The following LRRC7 variants were observed in gnomAD, a reference collection of about 807,000 sequenced individuals.
The protein encoded by LRRC7 is leucine-rich repeat-containing protein 7.
In LRRC7, 23 loss-of-function variants were observed where a neutral mutation model predicts 175.7. The observed-to-expected ratio is 0.13, with a 90% CI of 0.09 to 0.19. The LOEUF (loss-of-function observed/expected upper bound fraction) is 0.19. Ranked by LOEUF, LRRC7 falls within the 10% of genes least tolerant of loss-of-function variation. The pLI is 1.00. For synonymous variants in LRRC7, 685 were observed against 680.9 expected (o/e 1.01, Z -0.09); for missense variants, 1,354 against 1,904.7 (o/e 0.71, Z 5.38).
chr1:69,852,091 G>T (rs559885457), intron 7 of LRRC7, among the ~76,000 whole-genome samples: 21 of 151,740 alleles, frequency 1.4e-4, no homozygotes, highest in Non-Finnish European at 2.8e-4. Flanking sequence ...TCTCTACAAA[G>T]TGTCTCATGA....
intron 7 of LRRC7, among the ~76,000 whole-genome samples, chr1:69,905,949 C>T (rs1315959015): frequency 2.6e-5 from 4 of 152,174 alleles, no homozygotes; most frequent in Non-Finnish European, 5.9e-5. Flanking sequence ...TGATCACCAT[C>T]CTAACTGGTG....
At chr1:70,096,410 C>T (rs1404899830) in intron 25 of LRRC7, among the ~76,000 whole-genome samples, 2 of 152,126 alleles carry the variant, frequency 1.3e-5, no homozygotes, top group African/African-American at 2.4e-5. Flanking sequence ...ATAAACCCAT[C>T]GCCATGCACA....
chr1:70,018,477 A>C (rs1657153653), intron 14 of LRRC7, among the ~76,000 whole-genome samples: 1 of 152,092 alleles, frequency 6.6e-6, no homozygotes, highest in Non-Finnish European at 1.5e-5. Flanking sequence ...GACATTGCCC[A>C]GTTGAATAGG....
At chr1:69,764,766 TAGATAGATAGATAGAC>T (rs1271430771) in intron 3 of LRRC7, among the ~76,000 whole-genome samples, 23 of 150,722 alleles carry the variant, frequency 1.5e-4, no homozygotes, top group South Asian at 2.1e-4. Context: ...GATAGATAGA[TAGATAGATAGATAGAC>T]AGACAGACAG....
intron 14 of LRRC7, among the ~76,000 whole-genome samples, chr1:70,017,764 G>GTAATTC (rs1450072597): frequency 6.6e-6 from 1 of 152,012 alleles, no homozygotes; most frequent in Non-Finnish European, 1.5e-5. Context: ...TCAAAAATTA[G>GTAATTC]TAATTCAAAT....
chr1:70,118,916 C>T (rs1666036996), intron 26 of LRRC7, among the ~76,000 whole-genome samples: 1 of 151,978 alleles, frequency 6.6e-6, no homozygotes. Flanking sequence ...GGGCTCTCTT[C>T]CTTTTGAAGA....
intron 24 of LRRC7, among the ~76,000 whole-genome samples, chr1:70,086,558 T>C (rs987274107): frequency 1.3e-4 from 19 of 151,882 alleles, no homozygotes; most frequent in Non-Finnish European, 2.4e-4. Flanking sequence ...ATGGGAGAAT[T>C]ACTTGAGCCC....
At chr1:69,939,441 G>T (rs1481305803) in intron 8 of LRRC7, among the ~76,000 whole-genome samples, 1 of 151,992 alleles carries the variant, frequency 6.6e-6, no homozygotes, top group Non-Finnish European at 1.5e-5. Flanking sequence ...CTGAGGAAGT[G>T]CAAAGAGAAG....
chr1:69,857,380 A>C (rs1391789094), intron 7 of LRRC7, among the ~76,000 whole-genome samples: 1 of 152,226 alleles, frequency 6.6e-6, no homozygotes, highest in Non-Finnish European at 1.5e-5. Context: ...GTCTCAGCCC[A>C]AAATCTCCTT....
At chr1:70,092,592 G>A (rs1319358694) in intron 25 of LRRC7, among the ~76,000 whole-genome samples, 1 of 151,958 alleles carries the variant, frequency 6.6e-6, no homozygotes, top group Non-Finnish European at 1.5e-5. Context: ...CTAGTTTCAG[G>A]GAAATGACAA....
At chr1:70,056,221 T>C (rs1002548795) in intron 23 of LRRC7, among the ~76,000 whole-genome samples, 11 of 151,970 alleles carry the variant, frequency 7.2e-5, no homozygotes, top group Non-Finnish European at 1.6e-4. Context: ...ATGAGTGAGG[T>C]AGAAGGATGG....
At chr1:69,583,230 A>G (rs1157085882) in intron 1 of LRRC7, among the ~76,000 whole-genome samples, 4 of 152,006 alleles carry the variant, frequency 2.6e-5, no homozygotes, top group African/African-American at 9.7e-5. Context: ...AATTTTGCTC[A>G]GATCTACTGT....
rs1169144918 is a variant in LRRC7 at position 69,885,026 on chromosome 1, T to C, written c.648-46481T>C. On this transcript the variant is annotated intron_variant, in intron 7 of 26. Transcript: ENST00000651989. ...TGCTGGATTCGGTTTGCCAGTATTT[T>C]ATTGAGGATTTTTGCATCAATGTTC... is the stretch of plus-strand genomic sequence containing the variant. Among the ~76,000 whole-genome samples the C allele has an allele frequency of 2.8e-4, 40 of 144,224 alleles. No homozygotes were observed. The Middle Eastern group carries it at 0.01, about 38-fold the overall frequency. 94.6% of individuals were successfully genotyped at this position (144,224 alleles called of 152,430 possible).
intron 2 of LRRC7, among the ~76,000 whole-genome samples, chr1:69,726,476 G>A (rs987013): frequency 0.83 from 126,571 of 152,168 alleles, 53,026 homozygotes; most frequent in East Asian, 0.93. Flanking sequence ...TGTAAAGGAT[G>A]GATTGAGGGA....
chr1:70,074,251 T>C (rs372099812), intron 23 of LRRC7, among the ~76,000 whole-genome samples: 10 of 149,932 alleles, frequency 6.7e-5, no homozygotes, highest in African/African-American at 2.2e-4. Flanking sequence ...ACTGAGCTTA[T>C]CATGGATGCC....
chr1:69,628,577 T>G (rs1773347), intron 1 of LRRC7, among the ~76,000 whole-genome samples: 2 of 152,052 alleles, frequency 1.3e-5, no homozygotes, highest in East Asian at 3.9e-4. Context: ...TTCTGTGTAA[T>G]CCCAATCAAA....
Position 69,900,410 on chromosome 1 carries a change from T to A in LRRC7, c.648-31097T>A, listed in dbSNP as rs529506344. Reference sequence around the variant, plus strand: ...AAACTAACACTTCATTTTTCTTCTTTGTATTCTAGGATAAACTTCTTCCCA... The same window carrying A: ...AAACTAACACTTCATTTTTCTTCTTAGTATTCTAGGATAAACTTCTTCCCA... On this transcript the variant is annotated intron_variant, in intron 7 of 26. Coordinates refer to ENST00000651989, the MANE Select transcript of LRRC7 (RefSeq NM_001370785.2). Among the ~76,000 whole-genome samples the A allele has an allele frequency of 4.6e-5, 7 of 152,370 alleles. No individual in the cohort carries two copies. In the South Asian group the frequency reaches 1.4e-3, roughly 32 times the overall value.
intron 3 of LRRC7, among the ~76,000 whole-genome samples, chr1:69,780,639 T>C (rs2101018915): frequency 7.7e-6 from 1 of 130,682 alleles, no homozygotes; most frequent in East Asian, 2.6e-4. Flanking sequence ...GTTGGCTCTT[T>C]TCTAACAAAA....
chr1:69,992,862 C>T (rs1344115514), intron 10 of LRRC7, among the ~76,000 whole-genome samples: 2 of 152,140 alleles, frequency 1.3e-5, no homozygotes, highest in Admixed American at 6.6e-5. Flanking sequence ...GAGCTGGAGA[C>T]TATGATCCTC....
Sources: gnomAD v4.1 joint callset for allele counts (sites outside exome capture counted in the v4.1 genomes callset) on GRCh38, gnomAD v4.1.1 for gene constraint, MANE v1.5 for transcripts, NCBI Gene and HGNC (gene_info 2026-07-23, HGNC 2026-07-21) for gene names.